The following RAB3B variants were observed in gnomAD, a reference collection of about 807,000 sequenced individuals.
RAB3B encodes ras-related protein Rab-3B.
Under a neutral mutation model 20.5 loss-of-function variants are expected in RAB3B, and 11 were observed. That is an observed-to-expected ratio of 0.54 (90% CI 0.34 to 0.89). The LOEUF (loss-of-function observed/expected upper bound fraction) is 0.89, where lower values mean the gene tolerates loss of function less well. RAB3B is among the 40% of genes least tolerant of loss of function. The probability of loss-of-function intolerance (pLI) is 0.02; values close to 1 mark genes in which losing one functional copy is unlikely to be tolerated. For synonymous variants in RAB3B, 99 were observed against 106.3 expected, an observed-to-expected ratio of 0.93 and a Z score of 0.42; for missense variants, 225 against 280.9, an observed-to-expected ratio of 0.80 and a Z score of 1.42.
chr1:51,937,464 T>C, intron 2 of RAB3B, 52 bp from the exon 3 acceptor site: 2 of 1,299,804 alleles, frequency 1.5e-6, no homozygotes, highest in Non-Finnish European at 2.1e-6. Flanking sequence ...CTTTGGTTCC[T>C]AAAAAGTCCC....
At chr1:51,946,634 T>C (rs1309950918) in intron 2 of RAB3B, among the ~76,000 whole-genome samples, 1 of 152,148 alleles carries the variant, frequency 6.6e-6, no homozygotes, top group Non-Finnish European at 1.5e-5. Flanking sequence ...CAGACAGACA[T>C]GTGGGCAAGA....
At chr1:51,964,048 C>T (rs1684816123) in intron 2 of RAB3B, among the ~76,000 whole-genome samples, 1 of 152,186 alleles carries the variant, frequency 6.6e-6, no homozygotes, top group Admixed American at 6.5e-5. Context: ...CCTTCAGCTA[C>T]CACCCCAATT....
chr1:51,972,531 A>C (rs920516769), intron 2 of RAB3B, among the ~76,000 whole-genome samples: 1 of 134,772 alleles, frequency 7.4e-6, no homozygotes, highest in Non-Finnish European at 1.5e-5. Context: ...CTCATCCCTC[A>C]GTGTGCTTGT....
At chr1:51,975,769 G>T (rs565968612) in intron 2 of RAB3B, among the ~76,000 whole-genome samples, 7 of 152,060 alleles carry the variant, frequency 4.6e-5, no homozygotes, top group African/African-American at 9.7e-5. Flanking sequence ...CGAGGTGGGC[G>T]GATCACAAGG....
chr1:51,970,732 A>G (rs1684917385), intron 2 of RAB3B, among the ~76,000 whole-genome samples: 1 of 151,962 alleles, frequency 6.6e-6, no homozygotes, highest in Admixed American at 6.6e-5. Context: ...GTGGCTGGGC[A>G]CGGTGGCTCA....
chr1:51,980,608 G>C (rs1685073926), intron 1 of RAB3B: 2 of 778,806 alleles, frequency 2.6e-6, no homozygotes, highest in Non-Finnish European at 4.6e-6. Context: ...AAACATAGTG[G>C]AGGCCACAGC....
At position 51,985,342 on chromosome 1, in the gene RAB3B, G is replaced by A. The variant is rs538893230; in HGVS notation, c.-1+5210C>T. 1.5e-4 allele frequency among the ~76,000 whole-genome samples: 23 copies of A among 152,226 alleles called. 1 individual carries two copies. The South Asian group carries it at 2.9e-3, about 19-fold the overall frequency. On this transcript the variant is annotated intron_variant, in intron 1 of 4. Transcript: ENST00000371655. ...TTATCCATCCTTACATCTGGTCAAC[G>A]CTAGACCTACAGTAAATCCTTAGAG...
chr1:51,988,776 T>C (rs1002043052), intron 1 of RAB3B, among the ~76,000 whole-genome samples: 1 of 152,208 alleles, frequency 6.6e-6, no homozygotes, highest in South Asian at 2.1e-4. Flanking sequence ...GAAATCTATT[T>C]AAATATTTTG....
chr1:51,945,634 T>C (rs1456227926), intron 2 of RAB3B, among the ~76,000 whole-genome samples: 1 of 152,206 alleles, frequency 6.6e-6, no homozygotes, highest in African/African-American at 2.4e-5. Flanking sequence ...TCAGCTATTG[T>C]TTTTGCACTT....
Position 51,915,486 on chromosome 1 carries a change from A to G in RAB3B, c.*4441T>C, listed in dbSNP as rs1228335650. On this transcript the variant is annotated 3_prime_UTR_variant, in exon 5 of 5. Transcript: ENST00000371655. ...TCCTTTCCAGATCTGATAATCGATG[A>G]GTCTGTGACCATTCAGTACACTCTA... 7 of 152,192 alleles carry G rather than the reference A, an allele frequency of 4.6e-5. No homozygotes were observed. Among genetic ancestry groups the G allele is most frequent in the African/African-American group, 1.7e-4 (7 of 41,444 alleles). 9.4% of individuals were successfully genotyped at this position (152,192 alleles called of 1,614,324 possible). A position where few individuals can be genotyped will look rare whatever the true frequency, so the allele number is the denominator to read the frequency against.
chr1:51,944,657 G>C (rs1314428734), intron 2 of RAB3B, among the ~76,000 whole-genome samples: 1 of 152,216 alleles, frequency 6.6e-6, no homozygotes, highest in Non-Finnish European at 1.5e-5. Flanking sequence ...CTAAGATCTT[G>C]TGGAAATAGC....
At position 51,914,077 on chromosome 1, in the gene RAB3B, A is replaced by G. The variant is rs1431717470; in HGVS notation, c.*5850T>C. 1 of 152,236 alleles carries G rather than the reference A, an allele frequency of 6.6e-6. No individual in the cohort carries two copies. The highest frequency in any genetic ancestry group is 1.9e-4 in the East Asian group (1 of 5,200). The allele number at this position is 152,236 out of a possible 1,614,324, so 9.4% of individuals were successfully genotyped here. A position where few individuals can be genotyped will look rare whatever the true frequency, so the allele number is the denominator to read the frequency against. ...CCACCCAGCCAACCCACAGAATCAT[A>G]AGAAATGATACATGTTTGTTGTTTT... On this transcript the variant is annotated 3_prime_UTR_variant, in exon 5 of 5. Transcript: ENST00000371655.
In RAB3B at chr1:51,916,575, T is replaced by C. The variant is rs1385482979; in HGVS notation, c.*3352A>G. ...TGAAGCAACTGTATTATACCCATGG[T>C]CAGAAAAGTTAATCAAGTCACTCTT... On this transcript the variant is annotated 3_prime_UTR_variant, in exon 5 of 5. Transcript: ENST00000371655. The C allele has an allele frequency of 2.0e-5, 3 of 152,196 alleles. No individual in the cohort carries two copies. The highest frequency in any genetic ancestry group is 4.4e-5 in the Non-Finnish European group (3 of 68,046). The allele number at this position is 152,196 out of a possible 1,614,324, so 9.4% of individuals were successfully genotyped here. A position where few individuals can be genotyped will look rare whatever the true frequency, so the allele number is the denominator to read the frequency against.
intron 4 of RAB3B, among the ~76,000 whole-genome samples, chr1:51,923,536 T>C (rs1684201713): frequency 6.6e-6 from 1 of 151,944 alleles, no homozygotes; most frequent in Non-Finnish European, 1.5e-5. Flanking sequence ...GCCAACATGG[T>C]GAAACCCTGT....
intron 1 of RAB3B, among the ~76,000 whole-genome samples, chr1:51,987,796 T>A (rs1028693410): frequency 1.3e-5 from 2 of 152,258 alleles, no homozygotes; most frequent in Non-Finnish European, 2.9e-5. Flanking sequence ...GAACCACAGT[T>A]GGCCCAGTGG....
rs753175688 is a variant in RAB3B, at chr1:51,976,955, C to T, written c.163G>A (p.Val55Met). The T allele has an allele frequency of 2.5e-6, 4 of 1,614,186 alleles. No individual in the cohort carries two copies. Among genetic ancestry groups the T allele is most frequent in the Non-Finnish European group, 3.4e-6 (4 of 1,180,034 alleles). The change falls in exon 2 of 5, where the codon GTG becomes ATG. Residue 55 changes from valine (V) to methionine (M), a missense_variant. Val to Met is a conservative substitution (Grantham distance 21). Transcript: ENST00000371655. ...DTFTPAFVST[V>M]GIDFKVKTVY... ...GTCTTCACCTTGAAGTCGATGCCCACGGTGCTAACGAAGGCTGGGGTGAAC... is the reference window on the plus strand; with the variant it reads ...GTCTTCACCTTGAAGTCGATGCCCATGGTGCTAACGAAGGCTGGGGTGAAC...
At chr1:51,987,734 C>A (rs1685170191) in intron 1 of RAB3B, among the ~76,000 whole-genome samples, 1 of 152,068 alleles carries the variant, frequency 6.6e-6, no homozygotes, top group South Asian at 2.1e-4. Context: ...TTGGTATAGG[C>A]AAGGGATTGG....
In RAB3B at chr1:51,983,735, G is replaced by A. The variant is rs527782729; in HGVS notation, c.1-6618C>T. On this transcript the variant is annotated intron_variant, in intron 1 of 4. Transcript: ENST00000371655. Reference sequence around the variant, plus strand: ...AGGACTTTGTGAGGCCGAGGCAGGCGGATCATTTGAGCTCAGGAGTTTAAG... The same window carrying A: ...AGGACTTTGTGAGGCCGAGGCAGGCAGATCATTTGAGCTCAGGAGTTTAAG... 6.3e-4 allele frequency among the ~76,000 whole-genome samples: 94 copies of A among 148,302 alleles called. 1 individual carries two copies. Among genetic ancestry groups the A allele is most frequent in the Non-Finnish European group, 1.1e-3 (75 of 66,034 alleles).
chr1:51,982,372 C>T (rs554221358), intron 1 of RAB3B, among the ~76,000 whole-genome samples: 1 of 152,184 alleles, frequency 6.6e-6, no homozygotes, highest in East Asian at 1.9e-4. Context: ...ATGATTGCAC[C>T]ACTGCATTCC....
Sources: gnomAD v4.1 joint callset for allele counts (sites outside exome capture counted in the v4.1 genomes callset) on GRCh38, gnomAD v4.1.1 for gene constraint, MANE v1.5 for transcripts, NCBI Gene and HGNC (gene_info 2026-07-23, HGNC 2026-07-21) for gene names.